FRMD4B: variants seen among roughly 807,000 people sequenced by gnomAD.
The protein encoded by FRMD4B is FERM domain containing 4B.
In FRMD4B, 74 loss-of-function variants were observed where a neutral mutation model predicts 141.5. That is an observed-to-expected ratio of 0.52 (90% CI 0.43 to 0.63). FRMD4B has a LOEUF of 0.63. Ranked by LOEUF, FRMD4B falls within the 30% of genes least tolerant of loss-of-function variation. The probability of loss-of-function intolerance (pLI) is 0.00; values close to 1 mark genes in which losing one functional copy is unlikely to be tolerated. For missense variants in FRMD4B, 1,366 were observed against 1,253.4 expected (o/e 1.09, Z -1.36); for synonymous variants, 506 against 467.9 (o/e 1.08, Z -1.05).
intron 7 of FRMD4B, among the ~76,000 whole-genome samples, chr3:69,234,407 C>A (rs1225564885): frequency 6.6e-6 from 1 of 152,150 alleles, no homozygotes; most frequent in Non-Finnish European, 1.5e-5. Context: ...TTAACAAACA[C>A]CAATTTCCTC....
chr3:69,418,111 G>A (rs750125104), intron 2 of FRMD4B, among the ~76,000 whole-genome samples: 17 of 152,120 alleles, frequency 1.1e-4, no homozygotes, highest in Middle Eastern at 6.3e-3. Context: ...ACATTTACAG[G>A]TTCCAGGGAT....
At chr3:69,352,097 A>G (rs4428187) in intron 1 of FRMD4B, among the ~76,000 whole-genome samples, 105,069 of 151,864 alleles carry the variant, frequency 0.69, 37,154 homozygotes, top group African/African-American at 0.83. Context: ...GACTTGGTAT[A>G]TCTGGGAATA....
intron 17 of FRMD4B, among the ~76,000 whole-genome samples, chr3:69,192,942 C>T (rs889577608): frequency 6.6e-6 from 1 of 151,894 alleles, no homozygotes; most frequent in Non-Finnish European, 1.5e-5. Flanking sequence ...TTCAGCCTCC[C>T]CTGTGGCTGG....
Position 69,353,722 on chromosome 3 carries a change from G to A in FRMD4B, c.162+32106C>T, listed in dbSNP as rs567102765. 7 of 983,964 alleles carry A rather than the reference G, an allele frequency of 7.1e-6. No individual in the cohort carries two copies. The South Asian group carries it at 1.9e-4, about 26-fold the overall frequency. 61.0% of individuals were successfully genotyped at this position (983,964 alleles called of 1,614,324 possible). A position where few individuals can be genotyped will look rare whatever the true frequency, so the allele number is the denominator to read the frequency against. ...TGGAAGTAGGAACTTAAAAACTCCC[G>A]ACGCCTTCCGCTGCCATATAATCTC... On this transcript the variant is annotated intron_variant, in intron 1 of 22. Transcript: ENST00000398540.
At chr3:69,342,249 C>G (rs559942504) in intron 1 of FRMD4B, among the ~76,000 whole-genome samples, 6 of 152,200 alleles carry the variant, frequency 3.9e-5, no homozygotes, top group Non-Finnish European at 5.9e-5. Context: ...AAGGCAAGAC[C>G]AGAGTCTGCA....
intron 19 of FRMD4B, among the ~76,000 whole-genome samples, chr3:69,183,389 T>C (rs1277836994): frequency 1.3e-5 from 2 of 152,102 alleles, no homozygotes; most frequent in African/African-American, 2.4e-5. Context: ...CACTGGACTG[T>C]TGTTTGCTGG....
intron 3 of FRMD4B, among the ~76,000 whole-genome samples, chr3:69,309,749 T>A (rs1701515317): frequency 6.6e-6 from 1 of 151,738 alleles, no homozygotes; most frequent in Admixed American, 6.6e-5. Flanking sequence ...ACCCGGCCAA[T>A]ATTTTTTCAA....
intron 1 of FRMD4B, among the ~76,000 whole-genome samples, chr3:69,485,392 T>C (rs1010725889): frequency 6.6e-6 from 1 of 152,070 alleles, no homozygotes; most frequent in Non-Finnish European, 1.5e-5. Context: ...TGCACCAGGG[T>C]GGGGGGCTCC....
At chr3:69,381,835 C>A (rs1216866628) in intron 1 of FRMD4B, among the ~76,000 whole-genome samples, 3 of 152,176 alleles carry the variant, frequency 2.0e-5, no homozygotes, top group African/African-American at 4.8e-5. Context: ...GGTTGCATTT[C>A]AGCCAAACAT....
At chr3:69,497,307 T>C (rs1446951402) in intron 1 of FRMD4B, among the ~76,000 whole-genome samples, 2 of 152,210 alleles carry the variant, frequency 1.3e-5, no homozygotes, top group Non-Finnish European at 2.9e-5. Context: ...CATAACCTAG[T>C]AAAAGCTGAC....
At chr3:69,177,890 T>G (rs1372175643) in intron 21 of FRMD4B, among the ~76,000 whole-genome samples, 1 of 152,076 alleles carries the variant, frequency 6.6e-6, no homozygotes, top group African/African-American at 2.4e-5. Flanking sequence ...CAAGGCTATT[T>G]TTTGTCTTAA....
intron 7 of FRMD4B, among the ~76,000 whole-genome samples, chr3:69,240,640 C>T (rs2093375716): frequency 6.6e-6 from 1 of 152,072 alleles, no homozygotes; most frequent in Admixed American, 6.6e-5. Flanking sequence ...AACTTGAAGC[C>T]CCAACTCTTT....
upstream of FRMD4B, among the ~76,000 whole-genome samples, chr3:69,390,931 C>T (rs996596642): frequency 6.6e-6 from 1 of 152,010 alleles, no homozygotes; most frequent in African/African-American, 2.4e-5. Flanking sequence ...AATGCTACAC[C>T]CTGTTCTTCC....
upstream of FRMD4B, among the ~76,000 whole-genome samples, chr3:69,390,437 C>T (rs761663485): frequency 9.2e-5 from 14 of 152,160 alleles, no homozygotes; most frequent in African/African-American, 1.9e-4. Flanking sequence ...TGTCAGAAGA[C>T]GTTTTTGGTT....
At chr3:69,446,735 C>T (rs1270403341) in intron 1 of FRMD4B, among the ~76,000 whole-genome samples, 2 of 152,216 alleles carry the variant, frequency 1.3e-5, no homozygotes, top group East Asian at 3.8e-4. Context: ...TTGCAGAAGA[C>T]ACATATCTCA....
chr3:69,496,571 A>G (rs1706391314), intron 1 of FRMD4B, among the ~76,000 whole-genome samples: 1 of 151,048 alleles, frequency 6.6e-6, no homozygotes. Flanking sequence ...GAATGAAGCC[A>G]GCATAAAGAA....
At chr3:69,268,791 A>G (rs2093580617) in intron 5 of FRMD4B, among the ~76,000 whole-genome samples, 1 of 151,928 alleles carries the variant, frequency 6.6e-6, no homozygotes, top group Non-Finnish European at 1.5e-5. Context: ...CATTTTCAGG[A>G]TAACATCTTC....
At chr3:69,350,694 A>G (rs1343353801) in intron 1 of FRMD4B, among the ~76,000 whole-genome samples, 1 of 152,118 alleles carries the variant, frequency 6.6e-6, no homozygotes, top group Non-Finnish European at 1.5e-5. Flanking sequence ...TGGTGCTGGA[A>G]ACTATCATTC....
intron 1 of FRMD4B, among the ~76,000 whole-genome samples, chr3:69,499,015 T>C (rs1456060691): frequency 1.3e-5 from 2 of 152,148 alleles, no homozygotes; most frequent in African/African-American, 2.4e-5. Context: ...TAGTGGCACA[T>C]TAGAAAGGAT....
Sources: gnomAD v4.1 joint callset for allele counts (sites outside exome capture counted in the v4.1 genomes callset) on GRCh38, gnomAD v4.1.1 for gene constraint, MANE v1.5 for transcripts, NCBI Gene and HGNC (gene_info 2026-07-23, HGNC 2026-07-21) for gene names.